The following CPPED1 variants were observed in gnomAD, a reference collection of about 807,000 sequenced individuals.
CPPED1 encodes serine/threonine-protein phosphatase CPPED1.
A neutral mutation model predicts 28.0 loss-of-function variants in CPPED1; 28 were observed. The observed-to-expected ratio is 1.00, with a 90% confidence interval of 0.74 to 1.37. CPPED1 has a LOEUF of 1.37. CPPED1 is among the 40% of genes most tolerant of loss of function. The pLI is 0.00. For missense variants in CPPED1, 504 were observed against 416.5 expected (o/e 1.21, Z -1.83); for synonymous variants, 198 against 180.2 (o/e 1.10, Z -0.79).
chr16:12,736,309 G>C (rs982671456), intron 2 of CPPED1, among the ~76,000 whole-genome samples: 2 of 150,052 alleles, frequency 1.3e-5, no homozygotes, highest in African/African-American at 4.9e-5. Flanking sequence ...GCAATGGCAT[G>C]ATCTTGGCTC....
At chr16:12,671,322 G>A (rs2079851638) in intron 3 of CPPED1, among the ~76,000 whole-genome samples, 1 of 152,002 alleles carries the variant, frequency 6.6e-6, no homozygotes, top group Non-Finnish European at 1.5e-5. Flanking sequence ...TCTGTTCCAG[G>A]ATCTGAATGA....
intron 2 of CPPED1, among the ~76,000 whole-genome samples, chr16:12,755,090 G>T (rs1316458261): frequency 1.3e-5 from 2 of 152,170 alleles, no homozygotes; most frequent in East Asian, 3.9e-4. Context: ...GGCAAATGTG[G>T]CTTATTCAAG....
intron 2 of CPPED1, chr16:12,752,936 CAT>C (rs1348851625): frequency 6.7e-6 from 1 of 149,828 alleles, no homozygotes; most frequent in Non-Finnish European, 1.5e-5. Flanking sequence ...ATATTAATGA[CAT>C]ATATCTATTT....
intron 3 of CPPED1, among the ~76,000 whole-genome samples, chr16:12,675,615 C>A (rs758477655): frequency 1.6e-4 from 24 of 152,204 alleles, no homozygotes; most frequent in Non-Finnish European, 3.1e-4. Context: ...ATACTAAACA[C>A]TGGCCTTCTT....
Position 12,665,001 on chromosome 16 carries a change from C to A in CPPED1, c.830G>T (p.Gly277Val). 6.2e-7 allele frequency: 1 copy of A among 1,611,550 alleles called. No homozygotes were observed. The highest frequency in any genetic ancestry group is 1.1e-5 in the South Asian group (1 of 90,788). Reference protein sequence around the residue: ...IGCQLGRDPHGLRVVVVTAEK... With the variant: ...IGCQLGRDPHVLRVVVVTAEK... ...GGCGGTGACCACCACGACTCGGAGC[C>A]CGTGGGGGTCTCTGCCCAGCTGGCA... Residue 277 changes from glycine to valine, a missense_variant, in exon 4 of 4, where the codon GGG (glycine) becomes GTG (valine). Transcript: ENST00000381774.
In CPPED1 at chr16:12,709,944, G is replaced by A. The variant is rs1366558905; in HGVS notation, c.290-4895C>T. Among the ~76,000 whole-genome samples, 4 of 128,002 alleles carry A rather than the reference G, an allele frequency of 3.1e-5. No homozygotes were observed. The highest frequency in any genetic ancestry group is 6.1e-5 in the African/African-American group (2 of 32,774). 84.0% of individuals were successfully genotyped at this position (128,002 alleles called of 152,430 possible). A position where few individuals can be genotyped will look rare whatever the true frequency, so the allele number is the denominator to read the frequency against. ...AGGAAGGGAAGGAAGGGAAGGAAGG[G>A]AGGAAGGAAAGAAGGGAAGGAAGGC... is the stretch of plus-strand genomic sequence containing the variant. On this transcript the variant is annotated intron_variant, in intron 2 of 3. Transcript: ENST00000381774. The surrounding 1 kb of genome is among the most constrained non-coding windows in gnomAD (Gnocchi z 4.4).
intron 2 of CPPED1, among the ~76,000 whole-genome samples, chr16:12,738,210 A>G (rs191429519): frequency 6.6e-6 from 1 of 152,206 alleles, no homozygotes. Context: ...TGCTTGTAAT[A>G]ATAAGGAGGT....
intron 3 of CPPED1, among the ~76,000 whole-genome samples, chr16:12,686,397 T>C (rs1007877527): frequency 6.6e-6 from 1 of 152,158 alleles, no homozygotes; most frequent in Non-Finnish European, 1.5e-5. Context: ...ACTATGTAAG[T>C]TGGTCTTTGG....
intron 2 of CPPED1, among the ~76,000 whole-genome samples, chr16:12,767,379 A>G (rs1274625906): frequency 2.6e-5 from 4 of 152,164 alleles, no homozygotes; most frequent in African/African-American, 4.8e-5. Context: ...TAGTGAAGGC[A>G]TATCTTCTTC....
At chr16:12,714,083 TC>T (rs1282277460) in intron 2 of CPPED1, among the ~76,000 whole-genome samples, 8 of 152,252 alleles carry the variant, frequency 5.3e-5, no homozygotes, top group Non-Finnish European at 5.9e-5. Flanking sequence ...TTTTCAAGGT[TC>T]ATCTATTTTG....
intron 2 of CPPED1, among the ~76,000 whole-genome samples, chr16:12,774,286 G>C (rs530444542): frequency 6.6e-6 from 1 of 152,200 alleles, no homozygotes; most frequent in East Asian, 1.9e-4. Context: ...TGGCCAACAA[G>C]ATGAAACCCC....
chr16:12,797,092 G>C (rs1049292923), intron 1 of CPPED1, among the ~76,000 whole-genome samples: 3 of 152,160 alleles, frequency 2.0e-5, no homozygotes, highest in Non-Finnish European at 4.4e-5. Context: ...GCTGGGAGTG[G>C]CAACATGAAG....
chr16:12,715,752 C>A (rs1020665186), intron 2 of CPPED1, among the ~76,000 whole-genome samples: 2 of 152,052 alleles, frequency 1.3e-5, no homozygotes, highest in African/African-American at 4.8e-5. Flanking sequence ...GGTCTCGAAC[C>A]CCCGACCTCA....
At chr16:12,692,451 G>A (rs1377933641) in intron 3 of CPPED1, among the ~76,000 whole-genome samples, 2 of 152,138 alleles carry the variant, frequency 1.3e-5, no homozygotes, top group Non-Finnish European at 2.9e-5. Flanking sequence ...TAAGAATAGA[G>A]GTTCGCTATC....
At chr16:12,686,158 T>G (rs142864691) in intron 3 of CPPED1, among the ~76,000 whole-genome samples, 1 of 152,184 alleles carries the variant, frequency 6.6e-6, no homozygotes, top group East Asian at 1.9e-4. Flanking sequence ...CTATACTTGT[T>G]AGAACAGTCA....
chr16:12,776,848 G>C (rs1181546153), intron 2 of CPPED1, among the ~76,000 whole-genome samples: 1 of 152,072 alleles, frequency 6.6e-6, no homozygotes, highest in East Asian at 1.9e-4. Flanking sequence ...GAACCCAGGA[G>C]GCGGAGGTTG....
intron 3 of CPPED1, among the ~76,000 whole-genome samples, chr16:12,695,911 T>C (rs2141181406): frequency 6.6e-6 from 1 of 152,362 alleles, no homozygotes; most frequent in East Asian, 1.9e-4. Flanking sequence ...GTTTTTTCTT[T>C]TGAAACAGGT....
At chr16:12,685,617 C>T (rs1393639205) in intron 3 of CPPED1, among the ~76,000 whole-genome samples, 2 of 152,120 alleles carry the variant, frequency 1.3e-5, no homozygotes, top group African/African-American at 4.8e-5. Flanking sequence ...TGGACAAGGA[C>T]ATTTTTCTTC....
At position 12,712,574 on chromosome 16, in the gene CPPED1, T is replaced by C. The variant is rs565269574; in HGVS notation, c.290-7525A>G. 9.2e-5 allele frequency among the ~76,000 whole-genome samples: 14 copies of C among 152,252 alleles called. No individual in the cohort carries two copies. The South Asian group carries it at 2.9e-3, about 32-fold the overall frequency. ...TTATTAATAAGGAATAGATAATATG[T>C]ATAGAGTAATAAACAGGCATCACAA... On this transcript the variant is annotated intron_variant, in intron 2 of 3. Coordinates refer to ENST00000381774, the MANE Select transcript of CPPED1 (RefSeq NM_018340.3).
Sources: gnomAD v4.1 joint callset for allele counts (sites outside exome capture counted in the v4.1 genomes callset) on GRCh38, gnomAD v4.1.1 for gene constraint, Gnocchi (gnomAD v3.1) non-coding constraint, MANE v1.5 for transcripts, NCBI Gene and HGNC (gene_info 2026-07-23, HGNC 2026-07-21) for gene names.